LRIG3: variants seen among roughly 807,000 people sequenced by gnomAD.
LRIG3 encodes the protein leucine rich repeats and immunoglobulin like domains 3, also known as leucine-rich repeats and immunoglobulin-like domains protein 3.
In LRIG3, 76 loss-of-function variants were observed where a neutral mutation model predicts 114.5. The observed-to-expected ratio is 0.66, with a 90% confidence interval of 0.55 to 0.80. The LOEUF (loss-of-function observed/expected upper bound fraction) is 0.80, where lower values mean the gene tolerates loss of function less well. LRIG3 is among the 30% of genes least tolerant of loss of function. LRIG3 has a pLI of 0.00. For missense variants in LRIG3, 1,239 were observed against 1,382.8 expected, an observed-to-expected ratio of 0.90 and a Z score of 1.65; for synonymous variants, 512 against 519.8, an observed-to-expected ratio of 0.98 and a Z score of 0.20.
chr12:58,884,963 A>G (rs541253491), intron 10 of LRIG3, among the ~76,000 whole-genome samples: 1 of 152,214 alleles, frequency 6.6e-6, no homozygotes, highest in Non-Finnish European at 1.5e-5. Flanking sequence ...CCCTTAGTTA[A>G]AACATGCAAG....
In LRIG3 at chr12:58,920,361, T is replaced by A; in HGVS notation, c.-126A>T. On this transcript the variant is annotated 5_prime_UTR_variant, in exon 1 of 19. Coordinates refer to ENST00000320743, the MANE Select transcript of LRIG3 (RefSeq NM_153377.5). ...TCGCGTGCGCGCTCCTCCCTCGCGC[T>A]GCCCGGTCAATTCCTTCTTTTACTC... The A allele has an allele frequency of 3.2e-6, 2 of 620,552 alleles. No homozygotes were observed. The highest frequency in any genetic ancestry group is 9.1e-5 in the South Asian group (2 of 22,072). 38.4% of individuals were successfully genotyped at this position (620,552 alleles called of 1,614,324 possible). A position where few individuals can be genotyped will look rare whatever the true frequency, so the allele number is the denominator to read the frequency against.
rs751286277 is a variant in LRIG3, at chr12:58,877,540, G to A, written c.2396C>T (p.Ser799Leu). Residue 799 changes from serine to leucine, a missense_variant, in exon 15 of 19, where the codon TCG (serine) becomes TTG (leucine). Coordinates refer to ENST00000320743, the MANE Select transcript of LRIG3 (RefSeq NM_153377.5). ...TCDSPQMTAPSLDDDGWATVG... is the reference protein window; with the variant it reads ...TCDSPQMTAPLLDDDGWATVG... ...AGTGGCCCATCCGTCATCGTCTAAC[G>A]ATGGGGCTGTCATCTGAGGGGAGTC... The A allele has an allele frequency of 5.0e-6, 8 of 1,614,094 alleles. No individual in the cohort carries two copies. The highest frequency in any genetic ancestry group is 2.2e-5 in the East Asian group (1 of 44,892).
intron 18 of LRIG3, among the ~76,000 whole-genome samples, chr12:58,873,372 A>T (rs1870800866): frequency 6.6e-6 from 1 of 152,250 alleles, no homozygotes; most frequent in Admixed American, 6.5e-5. Flanking sequence ...ATTTCGTAGA[A>T]GTTGGGTAAA....
At chr12:58,903,996 G>A (rs1372077051) in intron 3 of LRIG3, among the ~76,000 whole-genome samples, 2 of 152,118 alleles carry the variant, frequency 1.3e-5, no homozygotes, top group Admixed American at 6.5e-5. Flanking sequence ...AAGTCAGGTA[G>A]CATGATGCCT....
At chr12:58,906,114 T>C (rs191790222) in intron 3 of LRIG3, among the ~76,000 whole-genome samples, 26 of 152,220 alleles carry the variant, frequency 1.7e-4, no homozygotes, top group African/African-American at 5.5e-4. Context: ...GATCAGAGTA[T>C]AAGGATGGGA....
chr12:58,876,438 C>T lies in LRIG3; in HGVS notation c.2695+7G>A. ...AATTACAGCCCACATTCATTTTAAA[C>T]ACTTACCACTACTGTCATGTTGTGG... On this transcript the variant is annotated splice_region_variant and intron_variant, in intron 16 of 18. Transcript: ENST00000320743. 6.2e-7 allele frequency: 1 copy of T among 1,613,354 alleles called. No individual in the cohort carries two copies. The highest frequency in any genetic ancestry group is 2.2e-5 in the East Asian group (1 of 44,848).
At chr12:58,877,328 G>A (rs151070141) in intron 15 of LRIG3, 72 bp downstream of exon 15, 107 of 1,456,972 alleles carry the variant, frequency 7.3e-5, no homozygotes, top group Non-Finnish European at 9.1e-5. Context: ...CAAGACACAC[G>A]TTCTAGAAGT....
intron 13 of LRIG3, 81 bp from the exon 14 acceptor site, chr12:58,879,186 T>G: frequency 7.0e-7 from 1 of 1,434,274 alleles, no homozygotes; most frequent in Non-Finnish European, 9.4e-7. Context: ...TATTTGTTTG[T>G]TTGTTTGATA....
At chr12:58,911,442 T>C (rs1872271287) in intron 3 of LRIG3, among the ~76,000 whole-genome samples, 1 of 152,198 alleles carries the variant, frequency 6.6e-6, no homozygotes, top group Non-Finnish European at 1.5e-5. Context: ...CTTCAACTAA[T>C]TACTCATTTT....
chr12:58,902,278 TA>T (rs112258349), intron 3 of LRIG3, among the ~76,000 whole-genome samples: 2 of 152,000 alleles, frequency 1.3e-5, no homozygotes, highest in South Asian at 2.1e-4. Flanking sequence ...AAAAAAAATG[TA>T]AAAAAAATGC....
chr12:58,884,127 C>T (rs1235249401), intron 10 of LRIG3, among the ~76,000 whole-genome samples: 1 of 152,128 alleles, frequency 6.6e-6, no homozygotes, highest in African/African-American at 2.4e-5. Flanking sequence ...TTTTCAATTC[C>T]AAAACCTGTG....
At chr12:58,887,413 C>T (rs1416410866) in intron 8 of LRIG3, among the ~76,000 whole-genome samples, 1 of 152,178 alleles carries the variant, frequency 6.6e-6, no homozygotes, top group Non-Finnish European at 1.5e-5. Flanking sequence ...GAGGATATAA[C>T]TGGCATGATA....
intron 16 of LRIG3, among the ~76,000 whole-genome samples, 163 bp downstream of exon 16, chr12:58,876,282 A>C (rs560127241): frequency 9.8e-5 from 15 of 152,340 alleles, no homozygotes; most frequent in Non-Finnish European, 4.4e-5. Context: ...CCTAGTATTT[A>C]AGAGAACGGT....
intron 3 of LRIG3, among the ~76,000 whole-genome samples, chr12:58,910,650 G>A (rs750618516): frequency 3.1e-4 from 47 of 152,160 alleles, no homozygotes; most frequent in Middle Eastern, 6.8e-3. Flanking sequence ...AGTACCCTAG[G>A]TGCCTCTTTG....
intron 10 of LRIG3, among the ~76,000 whole-genome samples, chr12:58,883,981 C>A (rs1871195687): frequency 6.6e-6 from 1 of 152,062 alleles, no homozygotes; most frequent in Non-Finnish European, 1.5e-5. Flanking sequence ...AAAACATTTA[C>A]ACAGTATTTT....
intron 3 of LRIG3, among the ~76,000 whole-genome samples, chr12:58,906,670 C>A (rs935143727): frequency 6.6e-6 from 1 of 152,080 alleles, no homozygotes; most frequent in Non-Finnish European, 1.5e-5. Context: ...AGCCAACGCT[C>A]CTATGACTCC....
chr12:58,885,949 TG>T, intron 9 of LRIG3, 47 bp from the exon 10 acceptor site: 1 of 1,332,702 alleles, frequency 7.5e-7, no homozygotes, highest in Non-Finnish European at 1.0e-6. Context: ...AAAGCCATTT[TG>T]GGGTGGAACT....
At chr12:58,898,503 T>C (rs1222948750) in intron 3 of LRIG3, among the ~76,000 whole-genome samples, 1 of 152,234 alleles carries the variant, frequency 6.6e-6, no homozygotes, top group African/African-American at 2.4e-5. Context: ...CCTGGCTGTC[T>C]AGTCTTCCTC....
intron 10 of LRIG3, among the ~76,000 whole-genome samples, chr12:58,885,542 T>G (rs1250751970): frequency 6.6e-6 from 1 of 152,114 alleles, no homozygotes; most frequent in Non-Finnish European, 1.5e-5. Context: ...GTTTTTTTTT[T>G]AATTAAATAA....
Sources: gnomAD v4.1 joint callset for allele counts (sites outside exome capture counted in the v4.1 genomes callset) on GRCh38, gnomAD v4.1.1 for gene constraint, MANE v1.5 for transcripts, NCBI Gene and HGNC (gene_info 2026-07-23, HGNC 2026-07-21) for gene names.